The following THADA variants were observed in gnomAD, a reference collection of about 807,000 sequenced individuals.
The protein encoded by THADA is tRNA (32-2'-O)-methyltransferase regulator THADA.
A neutral mutation model predicts 219.8 loss-of-function variants in THADA; 213 were observed. That is an observed-to-expected ratio of 0.97 (90% CI 0.87 to 1.09). THADA has a LOEUF of 1.09. Ranked by LOEUF, THADA falls within the 50% of genes least tolerant of loss-of-function variation. THADA has a pLI of 0.00. For missense variants in THADA, 2,956 were observed against 2,311.3 expected, an observed-to-expected ratio of 1.28 and a Z score of -5.72; for synonymous variants, 1,018 against 828.9, an observed-to-expected ratio of 1.23 and a Z score of -3.92.
At chr2:43,473,052 T>G (rs1169912889) in intron 26 of THADA, among the ~76,000 whole-genome samples, 1 of 152,196 alleles carries the variant, frequency 6.6e-6, no homozygotes, top group Non-Finnish European at 1.5e-5. Flanking sequence ...TACTGGAGAC[T>G]TTATAAACAC....
chr2:43,383,213 C>G (rs1672248196), intron 29 of THADA, among the ~76,000 whole-genome samples: 1 of 152,068 alleles, frequency 6.6e-6, no homozygotes, highest in Non-Finnish European at 1.5e-5. Flanking sequence ...AGATGATTGA[C>G]AGTATCAAAA....
chr2:43,518,336 T>G (rs1313228905), intron 22 of THADA, among the ~76,000 whole-genome samples: 1 of 152,192 alleles, frequency 6.6e-6, no homozygotes, highest in African/African-American at 2.4e-5. Flanking sequence ...GAAGTGCCAC[T>G]GTTAAGAGCC....
At chr2:43,311,162 G>C (rs1344993365) in intron 31 of THADA, among the ~76,000 whole-genome samples, 1 of 151,670 alleles carries the variant, frequency 6.6e-6, no homozygotes, top group African/African-American at 2.4e-5. Context: ...GGCAACAAGA[G>C]CGAAACTCCG....
At chr2:43,545,487 G>A (rs989272929) in intron 20 of THADA, among the ~76,000 whole-genome samples, 22 of 152,220 alleles carry the variant, frequency 1.4e-4, no homozygotes, top group African/African-American at 4.8e-4. Flanking sequence ...GAATTCGGCT[G>A]TGAATCCATC....
chr2:43,298,767 C>T (rs901169743), intron 31 of THADA, among the ~76,000 whole-genome samples: 3 of 152,020 alleles, frequency 2.0e-5, no homozygotes, highest in Non-Finnish European at 4.4e-5. Context: ...ACCAGGAAGC[C>T]AGGGAATGAA....
At position 43,483,789 on chromosome 2, in the gene THADA, C is replaced by T. The variant is rs116074202; in HGVS notation, c.3836+1445G>A. ...TATTTATATATATATTCAAGAATCA[C>T]TTCATAAAAAACAAAAAAAAATTTT... is the stretch of plus-strand genomic sequence containing the variant. On this transcript the variant is annotated intron_variant, in intron 26 of 37. Transcript: ENST00000405975. Among the ~76,000 whole-genome samples the T allele has an allele frequency of 9.9e-3, 1,495 of 151,280 alleles. 27 individuals carry two copies. The highest frequency in any genetic ancestry group is 0.035 in the African/African-American group (1,431 of 41,364).
intron 28 of THADA, among the ~76,000 whole-genome samples, chr2:43,413,385 C>G (rs1676541956): frequency 6.6e-6 from 1 of 152,142 alleles, no homozygotes; most frequent in Non-Finnish European, 1.5e-5. Context: ...AGTCAGCAGT[C>G]TGATTAGCAA....
At chr2:43,489,874 CA>C (rs201735523) in intron 25 of THADA, among the ~76,000 whole-genome samples, 3,503 of 56,072 alleles carry the variant, frequency 0.062, 78 homozygotes, top group Admixed American at 0.18. Flanking sequence ...TTAAGATCTG[CA>C]AAAAAAAAAA....
chr2:43,578,647 G>A, intron 8 of THADA, 40 bp from the exon 9 acceptor site: 1 of 1,438,912 alleles, frequency 6.9e-7, no homozygotes. Context: ...GTTAAATAAT[G>A]AATATTCTGG....
Position 43,294,177 on chromosome 2 carries a change from C to T in THADA, c.4439-964G>A, listed in dbSNP as rs148480756. Among the ~76,000 whole-genome samples, 197 of 152,068 alleles carry T rather than the reference C, an allele frequency of 1.3e-3. 1 individual carries two copies. Among genetic ancestry groups the T allele is most frequent in the African/African-American group, 4.5e-3 (185 of 41,472 alleles). The stretch of plus-strand genomic sequence containing the variant: ...GTTTTATGGTCTACCTTTCATTTGC[C>T]GAGATCTTTTCATATTCTCAGTTCT... On this transcript the variant is annotated intron_variant, in intron 31 of 37. Transcript: ENST00000405975.
At chr2:43,590,462 G>A (rs1382826412) in intron 4 of THADA, among the ~76,000 whole-genome samples, 2 of 151,934 alleles carry the variant, frequency 1.3e-5, no homozygotes, top group African/African-American at 4.8e-5. Flanking sequence ...GGATCACAAG[G>A]TCAGGAGATC....
intron 30 of THADA, among the ~76,000 whole-genome samples, chr2:43,328,310 T>A (rs1257902666): frequency 6.6e-6 from 1 of 152,268 alleles, no homozygotes; most frequent in Non-Finnish European, 1.5e-5. Context: ...AGGGCCTGGC[T>A]GGCTACCAGG....
chr2:43,432,205 T>C (rs1320629996), intron 26 of THADA, among the ~76,000 whole-genome samples: 1 of 151,892 alleles, frequency 6.6e-6, no homozygotes, highest in Non-Finnish European at 1.5e-5. Flanking sequence ...TTAGCCAGGA[T>C]GGTCTCGATC....
intron 26 of THADA, among the ~76,000 whole-genome samples, chr2:43,465,395 G>A (rs932419995): frequency 6.6e-6 from 1 of 151,218 alleles, no homozygotes; most frequent in Non-Finnish European, 1.5e-5. Flanking sequence ...GAGTTCAGAA[G>A]GGCTGGGTAG....
chr2:43,241,935 G>A (rs1424672044), intron 36 of THADA, among the ~76,000 whole-genome samples: 1 of 152,160 alleles, frequency 6.6e-6, no homozygotes, highest in African/African-American at 2.4e-5. Context: ...CATCTCAGTG[G>A]TCTCCCCACA....
At chr2:43,533,257 G>A (rs141227647) in intron 21 of THADA, among the ~76,000 whole-genome samples, 3,789 of 152,296 alleles carry the variant, frequency 0.025, 104 homozygotes, top group African/African-American at 0.07. Context: ...TGGAGAGGAT[G>A]TGGAGAAATA....
chr2:43,284,057 T>C (rs921666468), intron 35 of THADA, among the ~76,000 whole-genome samples: 1 of 152,152 alleles, frequency 6.6e-6, no homozygotes, highest in African/African-American at 2.4e-5. Context: ...TGGGCACCTG[T>C]AATCCCAGCT....
intron 31 of THADA, among the ~76,000 whole-genome samples, chr2:43,308,625 C>A (rs1448693756): frequency 6.6e-6 from 1 of 151,684 alleles, no homozygotes; most frequent in Non-Finnish European, 1.5e-5. Context: ...TTTCCTAAGC[C>A]CAGGAGTTTC....
intron 37 of THADA, among the ~76,000 whole-genome samples, chr2:43,232,400 G>C (rs1184440813): frequency 6.6e-6 from 1 of 151,978 alleles, no homozygotes; most frequent in African/African-American, 2.4e-5. Flanking sequence ...GGATGGTCTC[G>C]ATCTCCTGAC....
Sources: gnomAD v4.1 joint callset for allele counts (sites outside exome capture counted in the v4.1 genomes callset) on GRCh38, gnomAD v4.1.1 for gene constraint, MANE v1.5 for transcripts, NCBI Gene and HGNC (gene_info 2026-07-23, HGNC 2026-07-21) for gene names.